Variants in KCNC4 observed in about 807,000 individuals in gnomAD.
KCNC4 encodes voltage-gated potassium channel KCNC4.
A neutral mutation model predicts 42.8 loss-of-function variants in KCNC4; 23 were observed. That is an observed-to-expected ratio of 0.54 (90% CI 0.39 to 0.76). KCNC4 has a LOEUF of 0.76. KCNC4 is among the 30% of genes least tolerant of loss of function. KCNC4 has a pLI of 0.00. For synonymous variants in KCNC4, 422 were observed against 393.5 expected (o/e 1.07, Z -0.86); for missense variants, 751 against 898.2 (o/e 0.84, Z 2.10).
chr1:110,237,908 TC>T (rs1658944572), downstream of KCNC4: 1 of 152,262 alleles, frequency 6.6e-6, no homozygotes, highest in African/African-American at 2.4e-5. Context: ...GTGAGCACTT[TC>T]TTTCCGTTCC....
chr1:110,239,047 C>G (rs1042105962), exon 4 of KCNC4: 2 of 152,292 alleles, frequency 1.3e-5, no homozygotes, highest in African/African-American at 4.8e-5. Flanking sequence ...CAGTCTCCAC[C>G]CAGTCACCAG....
At chr1:110,278,158 G>GAAAAGAAAA (rs56881032) in intron 1 of KCNC4, among the ~76,000 whole-genome samples, 2 of 149,226 alleles carry the variant, frequency 1.3e-5, no homozygotes, top group South Asian at 2.1e-4. Context: ...AGAAAGAAAA[G>GAAAAGAAAA]GAAGGAAGGA....
chr1:110,232,391 G>A, intron 3 of KCNC4: 1 of 1,543,962 alleles, frequency 6.5e-7, no homozygotes, highest in Non-Finnish European at 8.7e-7. Flanking sequence ...ATCCCAGGGT[G>A]GTGACAGCAG....
Position 110,211,492 on chromosome 1 carries a change from C to G in KCNC4, c.-8C>G. 6.2e-7 allele frequency: 1 copy of G among 1,606,836 alleles called. No individual in the cohort carries two copies. The highest frequency in any genetic ancestry group is 8.5e-7 in the Non-Finnish European group (1 of 1,174,850). On this transcript the variant is annotated 5_prime_UTR_variant, in exon 1 of 4. Transcript: ENST00000438661. This position sits in a 1 kb window ranked among gnomAD's most constrained non-coding sequence, Gnocchi z 6.5. The stretch of plus-strand genomic sequence containing the variant: ...GCCGCCCCAAGCCGGAGCCCCGCAG[C>G]GCTTCTTATGATCAGCTCGGTGTGT...
At chr1:110,265,727 G>A (rs1333434599) in intron 1 of KCNC4, among the ~76,000 whole-genome samples, 1 of 152,216 alleles carries the variant, frequency 6.6e-6, no homozygotes, top group Non-Finnish European at 1.5e-5. Flanking sequence ...GAGGCCCTTG[G>A]AGGTGGGTAG....
chr1:110,281,634 C>G (rs996968613), intron 1 of KCNC4, among the ~76,000 whole-genome samples: 1 of 151,876 alleles, frequency 6.6e-6, no homozygotes, highest in East Asian at 1.9e-4. Flanking sequence ...AGCTCTCATG[C>G]CTATTCTGTG....
exon 4 of KCNC4, chr1:110,245,999 TC>T (rs1659138472): frequency 6.6e-6 from 1 of 152,362 alleles, no homozygotes; most frequent in South Asian, 2.1e-4. Context: ...TCTGGGCTTC[TC>T]CGATGTAAAG....
intron 3 of KCNC4, among the ~76,000 whole-genome samples, chr1:110,227,531 C>T (rs2077399): frequency 6.6e-6 from 1 of 152,114 alleles, no homozygotes; most frequent in East Asian, 1.9e-4. Context: ...CAGACCTCTA[C>T]CCTCGCCTGT....
At position 110,211,422 on chromosome 1, in the gene KCNC4, C is replaced by T. The variant is rs1657438882; in HGVS notation, c.-78C>T. ...CCTCCTCTTCGTCTCCTCCCCCTCC[C>T]CCGTCTGACGCTGCCTCCTCGGGAA... On this transcript the variant is annotated 5_prime_UTR_variant, in exon 1 of 4. Transcript: ENST00000438661. The surrounding 1 kb of genome is among the most constrained non-coding windows in gnomAD (Gnocchi z 6.5). 2.7e-6 allele frequency: 4 copies of T among 1,500,280 alleles called. No homozygotes were observed. The highest frequency in any genetic ancestry group is 2.8e-5 in the African/African-American group (2 of 72,136). The allele number at this position is 1,500,280 out of a possible 1,614,324, so 92.9% of individuals were successfully genotyped here. A position where few individuals can be genotyped will look rare whatever the true frequency, so the allele number is the denominator to read the frequency against.
At position 110,232,957 on chromosome 1, in the gene KCNC4, C is replaced by T. The variant is rs747135811; in HGVS notation, c.1866C>T (p.Val622=). Residue 622 remains valine (V), a synonymous_variant, in exon 4 of 4, where the codon GTC becomes GTT. Transcript: ENST00000438661. ...ALSSNYAQAE[V]LTLS ...CGTCCAACTATGCCCAGGCTGAAGT[C>T]CTCACCCTCTCTTAAAGCGGCACCA... The T allele has an allele frequency of 1.9e-6, 3 of 1,611,384 alleles. No homozygotes were observed. Among genetic ancestry groups the T allele is most frequent in the Non-Finnish European group, 2.5e-6 (3 of 1,178,904 alleles).
chr1:110,211,774 G>GCGAGTTCTTCTTCGACAGGCA lies in KCNC4; in HGVS notation c.277_297dup (p.Glu93_His99dup), dbSNP rs1657473658. The GCGAGTTCTTCTTCGACAGGCA allele has an allele frequency of 6.2e-7, 1 of 1,610,482 alleles. No individual in the cohort carries two copies. The highest frequency in any genetic ancestry group is 8.5e-7 in the Non-Finnish European group (1 of 1,179,518). ...AGCGGCAGCAGCGGCGGCGGGGGCT[G>GCGAGTTCTTCTTCGACAGGCA]CGAGTTCTTCTTCGACAGGCACCCG... On this transcript the variant is annotated inframe_insertion, in exon 1 of 4. Coordinates refer to ENST00000438661, the MANE Select transcript of KCNC4 (RefSeq NM_001039574.3). The surrounding 1 kb of genome is among the most constrained non-coding windows in gnomAD (Gnocchi z 6.5).
In KCNC4 at chr1:110,223,724, C is replaced by T; in HGVS notation, c.1439C>T (p.Ser480Phe). The change falls in exon 2 of 4, where the codon TCC (serine) becomes TTC (phenylalanine). Residue 480 changes from serine to phenylalanine, a missense_variant. Physicochemically the swap from Ser to Phe is radical, Grantham distance 155 (BLOSUM62 -2). Transcript: ENST00000438661. This position sits in a 1 kb window ranked among gnomAD's most constrained non-coding sequence, Gnocchi z 7.5. ...VIVNNFGMYY[S>F]LAMAKQKLPK... ...GTCAACAACTTCGGCATGTACTACT[C>T]CCTGGCCATGGCCAAGCAGAAGCTG... 1 of 1,614,116 alleles carries T rather than the reference C, an allele frequency of 6.2e-7. No homozygotes were observed. The highest frequency in any genetic ancestry group is 8.5e-7 in the Non-Finnish European group (1 of 1,180,024).
In KCNC4 at chr1:110,223,696, A is replaced by G. The variant is rs746598938; in HGVS notation, c.1411A>G (p.Ile471Val). The change falls in exon 2 of 4, where the codon ATC becomes GTC. Residue 471 changes from isoleucine (I) to valine (V), a missense_variant. By Grantham distance (29) the Ile-to-Val change is conservative. This residue lies in a region of KCNC4 where 185 missense variants were observed against 293.7 expected (regional missense o/e 0.63). Transcript: ENST00000438661. This position sits in a 1 kb window ranked among gnomAD's most constrained non-coding sequence, Gnocchi z 7.5. The stretch of plus-strand genomic sequence containing the variant: ...CACCATCGCCATGCCGGTGCCTGTC[A>G]TCGTCAACAACTTCGGCATGTACTA... ...VLTIAMPVPV[I>V]VNNFGMYYSL... The G allele has an allele frequency of 6.2e-7, 1 of 1,614,132 alleles. No individual in the cohort carries two copies. Among genetic ancestry groups the G allele is most frequent in the Non-Finnish European group, 8.5e-7 (1 of 1,180,032 alleles).
At chr1:110,274,448 T>C (rs958974085) in intron 1 of KCNC4, among the ~76,000 whole-genome samples, 1 of 152,198 alleles carries the variant, frequency 6.6e-6, no homozygotes, top group Admixed American at 6.5e-5. Flanking sequence ...CAAAGCAATC[T>C]ACAGATTCAG....
chr1:110,253,755 T>C (rs1473774645), downstream of KCNC4, among the ~76,000 whole-genome samples: 3 of 152,212 alleles, frequency 2.0e-5, no homozygotes, highest in Non-Finnish European at 2.9e-5. Flanking sequence ...GCCTTCCTTG[T>C]TGACGGTGTT....
At chr1:110,261,001 G>A (rs896411003) in intron 1 of KCNC4, among the ~76,000 whole-genome samples, 5 of 152,180 alleles carry the variant, frequency 3.3e-5, no homozygotes, top group Non-Finnish European at 5.9e-5. Flanking sequence ...GTTAATGAAG[G>A]ATATTGTCCT....
At chr1:110,217,332 G>A (rs1033646234) in intron 1 of KCNC4, among the ~76,000 whole-genome samples, 13 of 152,134 alleles carry the variant, frequency 8.5e-5, no homozygotes, top group Admixed American at 2.6e-4. Flanking sequence ...TGAATTGGGT[G>A]GGCCTTGTAG....
At chr1:110,250,547 C>A (rs1659232858), downstream of KCNC4, among the ~76,000 whole-genome samples, 1 of 152,344 alleles carries the variant, frequency 6.6e-6, no homozygotes, top group Middle Eastern at 3.4e-3. Context: ...AATATGCCTG[C>A]ATGGTTGGTG....
chr1:110,212,394 A>G (rs1457601473), intron 1 of KCNC4, among the ~76,000 whole-genome samples: 2 of 151,952 alleles, frequency 1.3e-5, no homozygotes, highest in African/African-American at 4.8e-5. Context: ...CACACACTTG[A>G]CTTACTACTT....
Sources: allele counts gnomAD v4.1 joint callset (sites outside exome capture counted in the v4.1 genomes callset), GRCh38; gene constraint gnomAD v4.1.1; regional missense constraint gnomAD v4.1.1; non-coding constraint Gnocchi (gnomAD v3.1); transcripts MANE v1.5; gene names NCBI Gene and HGNC (gene_info 2026-07-23, HGNC 2026-07-21).